INPP5K: variants seen among roughly 807,000 people sequenced by gnomAD.
INPP5K encodes the protein inositol polyphosphate 5-phosphatase K.
A neutral mutation model predicts 53.5 loss-of-function variants in INPP5K; 35 were observed. That is an observed-to-expected ratio of 0.65 (90% confidence interval 0.50 to 0.87). INPP5K has a LOEUF of 0.87. Ranked by LOEUF, INPP5K falls within the 40% of genes least tolerant of loss-of-function variation. The pLI, the probability that INPP5K is intolerant of heterozygous loss-of-function variation, is 0.00. For missense variants in INPP5K, 550 were observed against 586.2 expected, an observed-to-expected ratio of 0.94 and a Z score of 0.64; for synonymous variants, 253 against 232.8, an observed-to-expected ratio of 1.09 and a Z score of -0.79.
rs1171807785 is a variant in INPP5K at position 1,496,408 on chromosome 17, AG to A, written c.1102-7del. 3.9e-6 allele frequency: 6 copies of A among 1,555,860 alleles called. No individual in the cohort carries two copies. The highest frequency in any genetic ancestry group is 2.4e-5 in the South Asian group (2 of 84,552). On this transcript the variant is annotated splice_region_variant and splice_polypyrimidine_tract_variant and intron_variant, in intron 9 of 11. Coordinates refer to ENST00000421807, the MANE Select transcript of INPP5K (RefSeq NM_016532.4). The stretch of plus-strand genomic sequence containing the variant: ...TTAACGTCCCGCAGCCCCACCTGTG[AG>A]GGGGAGTCAGGCCATCAGTGGTCAG...
At chr17:1,502,286 T>A (rs1177486847) in intron 7 of INPP5K, among the ~76,000 whole-genome samples, 5 of 152,148 alleles carry the variant, frequency 3.3e-5, no homozygotes, top group Non-Finnish European at 7.4e-5. Context: ...GAGACAGAGC[T>A]TGTAGTGAGT....
intron 7 of INPP5K, among the ~76,000 whole-genome samples, chr17:1,499,024 T>A (rs2074935601): frequency 6.6e-6 from 1 of 152,212 alleles, no homozygotes; most frequent in Non-Finnish European, 1.5e-5. Context: ...CCACAGAGCA[T>A]GTGCTCTTAA....
intron 1 of INPP5K, among the ~76,000 whole-genome samples, chr17:1,514,709 C>T (rs971091094): frequency 2.0e-5 from 3 of 151,958 alleles, no homozygotes; most frequent in Non-Finnish European, 4.4e-5. Context: ...ACTTCTGATC[C>T]CTACTTCTCA....
intron 8 of INPP5K, 115 bp from the exon 9 acceptor site, chr17:1,496,918 G>C (rs537913934): frequency 9.5e-7 from 1 of 1,050,114 alleles, no homozygotes; most frequent in African/African-American, 1.6e-5. Flanking sequence ...CACCCAGAGG[G>C]GGTGGGCATG....
chr17:1,496,678 A>G lies in INPP5K; in HGVS notation c.1089T>C (p.Ile363=). Residue 363 remains isoleucine, a synonymous_variant, in exon 9 of 12, where the codon ATT becomes ATC. Coordinates refer to ENST00000421807, the MANE Select transcript of INPP5K (RefSeq NM_016532.4). The part of the protein sequence containing the change: ...SDFPSSPWDW[I]GLYKVGLRDV... ...GCCACCACATCACCTTGTACAGTCC[A>G]ATCCAGTCCCACGGGCTGCTGGGGA... 4.3e-6 allele frequency: 7 copies of G among 1,614,176 alleles called. No homozygotes were observed. The highest frequency in any genetic ancestry group is 5.9e-6 in the Non-Finnish European group (7 of 1,180,034).
intron 7 of INPP5K, among the ~76,000 whole-genome samples, chr17:1,503,083 A>G (rs967598770): frequency 3.8e-4 from 58 of 151,000 alleles, no homozygotes; most frequent in African/African-American, 1.1e-3. Flanking sequence ...ATGGGGTTTC[A>G]CCATGTTGCC....
At position 1,497,967 on chromosome 17, in the gene INPP5K, TG is replaced by T; in HGVS notation, c.931del (p.His311ThrfsTer12). On this transcript the variant is annotated frameshift_variant, in exon 8 of 12. Coordinates refer to ENST00000421807, the MANE Select transcript of INPP5K (RefSeq NM_016532.4). LOFTEE classifies it high-confidence loss of function. ...SSHMTYGISDHKPVSGTFDLE... is the reference protein window; with the variant it reads ...SSHMTYGISDXKPVSGTFDLE... ...GTCGAACGTGCCGGAGACAGGCTTG[TG>T]GTCGCTGATGCCGTACGTCATGTGG... 6.2e-7 allele frequency: 1 copy of T among 1,614,050 alleles called. No homozygotes were observed. Among genetic ancestry groups the T allele is most frequent in the Non-Finnish European group, 8.5e-7 (1 of 1,179,940 alleles).
At chr17:1,510,730 A>G (rs1044306966) in intron 3 of INPP5K, among the ~76,000 whole-genome samples, 32 of 152,124 alleles carry the variant, frequency 2.1e-4, no homozygotes, top group African/African-American at 6.5e-4. Context: ...GGGCTCAGGC[A>G]ATCCTCCCAC....
intron 7 of INPP5K, among the ~76,000 whole-genome samples, chr17:1,503,543 C>T (rs1177216384): frequency 6.6e-6 from 1 of 151,818 alleles, no homozygotes; most frequent in East Asian, 1.9e-4. Context: ...GGTGAAACCT[C>T]ATCTCTACTA....
At chr17:1,509,151 G>T in intron 5 of INPP5K, 27 bp downstream of exon 5, 1 of 1,395,942 alleles carries the variant, frequency 7.2e-7, no homozygotes, top group Non-Finnish European at 9.4e-7. Context: ...CAGAGGGCGG[G>T]GAACGGTCTG....
chr17:1,506,789 ACT>A (rs1035026510), intron 7 of INPP5K, among the ~76,000 whole-genome samples, 189 bp downstream of exon 7: 1 of 138,972 alleles, frequency 7.2e-6, no homozygotes, highest in Non-Finnish European at 1.6e-5. Context: ...CTTTCCTCCC[ACT>A]CTCTCGAGAT....
intron 1 of INPP5K, chr17:1,515,451 T>C: frequency 2.0e-6 from 2 of 985,518 alleles, no homozygotes; most frequent in Non-Finnish European, 2.4e-6. Context: ...GAACAGTCAG[T>C]CACAGCAGCT....
chr17:1,496,635 T>A, intron 9 of INPP5K, 31 bp downstream of exon 9: 1 of 1,612,694 alleles, frequency 6.2e-7, no homozygotes, highest in Non-Finnish European at 8.5e-7. Flanking sequence ...GGGCTGTCGC[T>A]GATGGACTTC....
chr17:1,506,847 T>G, intron 7 of INPP5K, 133 bp downstream of exon 7: 1 of 619,100 alleles, frequency 1.6e-6, no homozygotes, highest in Non-Finnish European at 2.9e-6. Flanking sequence ...GGACAGGAGG[T>G]GCCACTCTGG....
intron 5 of INPP5K, 29 bp from the exon 6 acceptor site, chr17:1,508,255 G>C: frequency 6.5e-7 from 1 of 1,541,910 alleles, no homozygotes; most frequent in South Asian, 1.1e-5. Flanking sequence ...GCAGCCTGAG[G>C]ATTTGTGATG....
intron 1 of INPP5K, among the ~76,000 whole-genome samples, chr17:1,515,270 C>T (rs1488995199): frequency 2.6e-5 from 4 of 152,154 alleles, no homozygotes; most frequent in East Asian, 1.9e-4. Flanking sequence ...TCTATGTCTG[C>T]GTAGTATTCC....
intron 7 of INPP5K, among the ~76,000 whole-genome samples, chr17:1,503,152 C>T (rs190504327): frequency 6.7e-6 from 1 of 150,198 alleles, no homozygotes; most frequent in East Asian, 2.0e-4. Flanking sequence ...TCCCAAATTG[C>T]TGGGTTTAGA....
intron 7 of INPP5K, among the ~76,000 whole-genome samples, chr17:1,499,519 C>T (rs1192139062): frequency 1.3e-5 from 2 of 152,140 alleles, no homozygotes; most frequent in Admixed American, 1.3e-4. Flanking sequence ...GACTGAGAGA[C>T]CTCCCACCTG....
In INPP5K at chr17:1,495,957, C is replaced by T. The variant is rs2074822253; in HGVS notation, c.1291-78G>A. ...TTCCATCACCCCCGTTCCTGCACTGCAGCGGCCCCTCATGTACCGGCTGGC... is the reference window on the plus strand; with the variant it reads ...TTCCATCACCCCCGTTCCTGCACTGTAGCGGCCCCTCATGTACCGGCTGGC... On this transcript the variant is annotated intron_variant, in intron 11 of 11. Transcript: ENST00000421807. 1.8e-5 allele frequency: 26 copies of T among 1,427,286 alleles called. No individual in the cohort carries two copies. The South Asian group carries it at 2.9e-4, about 16-fold the overall frequency. The allele number at this position is 1,427,286 out of a possible 1,614,324, so 88.4% of individuals were successfully genotyped here.
Sources: allele counts gnomAD v4.1 joint callset (sites outside exome capture counted in the v4.1 genomes callset), GRCh38; gene constraint gnomAD v4.1.1; transcripts MANE v1.5; gene names NCBI Gene and HGNC (gene_info 2026-07-23, HGNC 2026-07-21).